Variants in CAB39L observed in about 807,000 individuals in gnomAD.
CAB39L encodes the protein calcium binding protein 39 like.
CAB39L carries 23 observed loss-of-function variants against 39.1 expected under a neutral mutation model. The observed-to-expected ratio is 0.59, with a 90% CI of 0.42 to 0.83. The LOEUF (loss-of-function observed/expected upper bound fraction) is 0.83. Among genes scored for constraint, CAB39L ranks in the 40% least tolerant of loss-of-function variants. The probability of loss-of-function intolerance (pLI) is 0.00; values close to 1 mark genes in which losing one functional copy is unlikely to be tolerated. For synonymous variants in CAB39L, 126 were observed against 137.2 expected (o/e 0.92, Z 0.57); for missense variants, 366 against 391.9 (o/e 0.93, Z 0.56).
At chr13:49,336,210 T>C (rs1339371562) in intron 9 of CAB39L, among the ~76,000 whole-genome samples, 2 of 152,132 alleles carry the variant, frequency 1.3e-5, no homozygotes, top group African/African-American at 2.4e-5. Flanking sequence ...TACCTTTTTG[T>C]TTGCTTGAAC....
chr13:49,377,698 A>G lies in CAB39L; in HGVS notation c.112-567T>C, dbSNP rs566063972. Among the ~76,000 whole-genome samples, 198 of 76,806 alleles carry G rather than the reference A, an allele frequency of 2.6e-3. 40 individuals carry two copies. Among genetic ancestry groups the G allele is most frequent in the Non-Finnish European group, 2.3e-3 (91 of 38,982 alleles). 50.4% of individuals were successfully genotyped at this position (76,806 alleles called of 152,430 possible). On this transcript the variant is annotated intron_variant, in intron 4 of 10. Coordinates refer to ENST00000409308, the MANE Select transcript of CAB39L (RefSeq NM_001079670.3). ...CGGAGTCTCGTTCACTCAGTGCTCA[A>G]TGGTGCCCAGGCTGGAGTGCAGTGG...
chr13:49,327,420 T>C (rs1418881880), intron 10 of CAB39L, among the ~76,000 whole-genome samples: 2 of 152,168 alleles, frequency 1.3e-5, no homozygotes, highest in Non-Finnish European at 2.9e-5. Flanking sequence ...AATCCTGCCC[T>C]AGCCCACTGA....
intron 3 of CAB39L, among the ~76,000 whole-genome samples, chr13:49,391,315 T>C (rs1000167518): frequency 5.3e-5 from 8 of 151,438 alleles, no homozygotes; most frequent in African/African-American, 1.9e-4. Context: ...GGTGAAGGAG[T>C]AGGGGGAAGA....
chr13:49,345,174 A>C (rs1383306327), intron 7 of CAB39L, among the ~76,000 whole-genome samples: 1 of 152,222 alleles, frequency 6.6e-6, no homozygotes, highest in Non-Finnish European at 1.5e-5. Flanking sequence ...GTTTTCCAAA[A>C]TAAATTCTTT....
chr13:49,334,669 CCTAA>C (rs1245725753), intron 9 of CAB39L, among the ~76,000 whole-genome samples: 1 of 152,180 alleles, frequency 6.6e-6, no homozygotes, highest in Non-Finnish European at 1.5e-5. Flanking sequence ...CCCCTTACAA[CCTAA>C]CTGTGTGATG....
intron 1 of CAB39L, among the ~76,000 whole-genome samples, chr13:49,440,812 T>C (rs1406006209): frequency 7.1e-6 from 1 of 140,716 alleles, no homozygotes; most frequent in East Asian, 2.1e-4. Flanking sequence ...GCTCCAACAT[T>C]ATTGGTATAG....
chr13:49,369,656 C>T (rs769963918), intron 5 of CAB39L, among the ~76,000 whole-genome samples: 3 of 151,098 alleles, frequency 2.0e-5, no homozygotes, highest in Admixed American at 6.6e-5. Flanking sequence ...GGCATAATCT[C>T]GACTCACTGC....
chr13:49,339,015 T>A (rs1227626466), intron 9 of CAB39L, among the ~76,000 whole-genome samples: 2 of 151,886 alleles, frequency 1.3e-5, no homozygotes, highest in African/African-American at 2.4e-5. Flanking sequence ...TATATAAACA[T>A]AATTTGATAG....
intron 6 of CAB39L, among the ~76,000 whole-genome samples, chr13:49,353,821 C>A (rs1439919662): frequency 6.6e-6 from 1 of 152,016 alleles, no homozygotes; most frequent in Non-Finnish European, 1.5e-5. Context: ...TCCCCTATCC[C>A]CATCTCCATT....
intron 8 of CAB39L, among the ~76,000 whole-genome samples, chr13:49,339,953 C>T (rs775247605): frequency 1.3e-5 from 2 of 152,174 alleles, no homozygotes; most frequent in Non-Finnish European, 2.9e-5. Flanking sequence ...TAGATAAAAA[C>T]TGAGTAATTT....
At chr13:49,422,114 T>C (rs1266626438) in intron 3 of CAB39L, among the ~76,000 whole-genome samples, 1 of 152,150 alleles carries the variant, frequency 6.6e-6, no homozygotes, top group African/African-American at 2.4e-5. Flanking sequence ...TGTGCAACAA[T>C]TTTCTTTTCC....
At chr13:49,412,147 G>A (rs1255066358) in intron 3 of CAB39L, among the ~76,000 whole-genome samples, 1 of 152,106 alleles carries the variant, frequency 6.6e-6, no homozygotes, top group Non-Finnish European at 1.5e-5. Context: ...ACTACAGTTT[G>A]TTTAACCACT....
At chr13:49,425,497 A>C (rs996128178) in intron 3 of CAB39L, among the ~76,000 whole-genome samples, 1 of 152,204 alleles carries the variant, frequency 6.6e-6, no homozygotes, top group Non-Finnish European at 1.5e-5. Flanking sequence ...ATAATTTCCA[A>C]GTAGGAATAC....
rs376074795 is a variant in CAB39L, at chr13:49,377,149, T to C, written c.112-18A>G. On this transcript the variant is annotated intron_variant, in intron 4 of 10. Coordinates refer to ENST00000409308, the MANE Select transcript of CAB39L (RefSeq NM_001079670.3). ...TCTGAAGCCTAGTGACCAAAACGTA[T>C]GCTAACGGTTAAAAGAATAAAAATG... 14 of 1,602,214 alleles carry C rather than the reference T, an allele frequency of 8.7e-6. No homozygotes were observed. The South Asian group carries it at 1.4e-4, about 17-fold the overall frequency.
At chr13:49,397,447 C>T (rs1198847335) in intron 3 of CAB39L, among the ~76,000 whole-genome samples, 3 of 152,076 alleles carry the variant, frequency 2.0e-5, no homozygotes. Context: ...AGAAGAAAAA[C>T]TCTTTTATAA....
At chr13:49,364,137 A>C (rs1176451297) in intron 5 of CAB39L, among the ~76,000 whole-genome samples, 1 of 152,218 alleles carries the variant, frequency 6.6e-6, no homozygotes, top group East Asian at 1.9e-4. Flanking sequence ...TTGTAAATAT[A>C]TATGCACCAA....
At chr13:49,364,536 GA>G (rs1389889834) in intron 5 of CAB39L, among the ~76,000 whole-genome samples, 4 of 152,012 alleles carry the variant, frequency 2.6e-5, no homozygotes, top group Admixed American at 6.6e-5. Context: ...CTTATATTTG[GA>G]AAAAACTAAA....
chr13:49,435,269 T>C (rs1957390677), intron 1 of CAB39L, among the ~76,000 whole-genome samples: 1 of 152,226 alleles, frequency 6.6e-6, no homozygotes, highest in Non-Finnish European at 1.5e-5. Context: ...TCTCTATTAA[T>C]GGGCATTTTA....
chr13:49,438,839 G>A lies in CAB39L; in HGVS notation c.-245-4616C>T, dbSNP rs142893831. On this transcript the variant is annotated intron_variant, in intron 1 of 10. Coordinates refer to ENST00000409308, the MANE Select transcript of CAB39L (RefSeq NM_001079670.3). ...ATTTAAACCTACTTTAATGTTAAGC[G>A]TTCTTGAATTACAGTCCTAATAGTT... Among the ~76,000 whole-genome samples the A allele has an allele frequency of 8.2e-3, 1,255 of 152,240 alleles. 17 individuals are homozygous for A. The highest frequency in any genetic ancestry group is 0.029 in the African/African-American group (1,191 of 41,538).
Sources: allele counts gnomAD v4.1 joint callset (sites outside exome capture counted in the v4.1 genomes callset), GRCh38; gene constraint gnomAD v4.1.1; transcripts MANE v1.5; gene names NCBI Gene and HGNC (gene_info 2026-07-23, HGNC 2026-07-21).